Variants in AFG3L2 observed in about 807,000 individuals in gnomAD.
AFG3L2 encodes AFG3 like matrix AAA peptidase subunit 2.
AFG3L2 carries 54 observed loss-of-function variants against 94.5 expected under a neutral mutation model. That is an observed-to-expected ratio of 0.57 (90% CI 0.46 to 0.72). The LOEUF is 0.72. AFG3L2 is among the 30% of genes least tolerant of loss of function. The pLI is 0.00. For missense variants in AFG3L2, 754 were observed against 994.9 expected (o/e 0.76, Z 3.26); for synonymous variants, 377 against 365.5 (o/e 1.03, Z -0.36).
chr18:12,338,366 A>G (rs1442775703), intron 15 of AFG3L2, among the ~76,000 whole-genome samples: 1 of 152,220 alleles, frequency 6.6e-6, no homozygotes, highest in Non-Finnish European at 1.5e-5. Context: ...CGCTGAGAAC[A>G]TGTGAGACCA....
chr18:12,351,474 C>G (rs1004231616), intron 10 of AFG3L2, 61 bp from the exon 11 acceptor site: 1 of 1,402,604 alleles, frequency 7.1e-7, no homozygotes, highest in African/African-American at 1.4e-5. Context: ...CAACAGTGCA[C>G]CATCAGGAAC....
chr18:12,362,862 T>C (rs1221547997), intron 6 of AFG3L2, among the ~76,000 whole-genome samples: 1 of 152,184 alleles, frequency 6.6e-6, no homozygotes, highest in East Asian at 1.9e-4. Flanking sequence ...GATGGGTGTG[T>C]GTGTGCTTCC....
chr18:12,358,311 A>T (rs142648281), intron 8 of AFG3L2, among the ~76,000 whole-genome samples: 5 of 152,314 alleles, frequency 3.3e-5, no homozygotes, highest in African/African-American at 1.2e-4. Flanking sequence ...GTCCACATAC[A>T]TCCCTCGAAG....
intron 16 of AFG3L2, among the ~76,000 whole-genome samples, chr18:12,332,952 T>TAAC (rs1555670080): frequency 0.022 from 407 of 18,400 alleles, 10 homozygotes; most frequent in South Asian, 0.078. Context: ...TATAATATAT[T>TAAC]ATATACTATA....
chr18:12,362,643 C>T (rs947571055), intron 6 of AFG3L2, among the ~76,000 whole-genome samples: 3 of 146,756 alleles, frequency 2.0e-5, no homozygotes, highest in African/African-American at 8.3e-5. Flanking sequence ...CAAAATCACC[C>T]GTAGGGACGG....
chr18:12,337,499 T>C lies in AFG3L2; in HGVS notation c.2017A>G (p.Ile673Val). Reference sequence around the variant, plus strand: ...CCCTGACGTGGGAGGTCAAAGGAGATTTGCCCAACCTTTTCATTCATGCCA... The same window carrying C: ...CCCTGACGTGGGAGGTCAAAGGAGACTTGCCCAACCTTTTCATTCATGCCA... ...QFGMNEKVGQ[I>V]SFDLPRQGDM... is the part of the protein sequence containing the mutation. Residue 673 changes from isoleucine (I) to valine (V), a missense_variant, in exon 16 of 17, where the codon ATC becomes GTC. Ile to Val is a conservative substitution (Grantham distance 29, BLOSUM62 3). This residue lies in a region of AFG3L2 where 279 missense variants were observed against 378.6 expected (regional missense o/e 0.74). Transcript: ENST00000269143. The C allele has an allele frequency of 6.2e-7, 1 of 1,614,218 alleles. No individual in the cohort carries two copies. The highest frequency in any genetic ancestry group is 1.1e-5 in the South Asian group (1 of 91,088).
intron 1 of AFG3L2, 116 bp downstream of exon 1, chr18:12,376,853 G>C: frequency 1.3e-6 from 1 of 786,018 alleles, no homozygotes; most frequent in Non-Finnish European, 1.8e-6. Flanking sequence ...GCCCTCGGCA[G>C]GGACGGCCCG....
intron 16 of AFG3L2, among the ~76,000 whole-genome samples, chr18:12,331,381 T>A (rs764030088): frequency 6.6e-6 from 1 of 152,244 alleles, no homozygotes; most frequent in Non-Finnish European, 1.5e-5. Context: ...AAAAGCTTGC[T>A]GCTCATGCTG....
chr18:12,367,238 T>G (rs1435755460), intron 4 of AFG3L2, 38 bp downstream of exon 4: 3 of 1,613,540 alleles, frequency 1.9e-6, no homozygotes, highest in Non-Finnish European at 2.5e-6. Flanking sequence ...TGGGCCACCA[T>G]CATAACCTCA....
chr18:12,361,120 C>T (rs1908646593), intron 6 of AFG3L2, among the ~76,000 whole-genome samples: 1 of 152,180 alleles, frequency 6.6e-6, no homozygotes, highest in Non-Finnish European at 1.5e-5. Context: ...CCAGTAATCC[C>T]AGCACTTTGG....
rs1191956934 is a variant in AFG3L2 at position 12,328,995 on chromosome 18, A to T, written c.*570T>A. ...ATTTTATTTTTTATGTAAAGAAGCC[A>T]TATTTACATAATACATTCATATTTT... On this transcript the variant is annotated 3_prime_UTR_variant, in exon 17 of 17. Coordinates refer to ENST00000269143, the MANE Select transcript of AFG3L2 (RefSeq NM_006796.3). 1 of 594,020 alleles carries T rather than the reference A, an allele frequency of 1.7e-6. No individual in the cohort carries two copies. Among genetic ancestry groups the T allele is most frequent in the Non-Finnish European group, 3.0e-6 (1 of 334,236 alleles). The allele number at this position is 594,020 out of a possible 1,614,324, so 36.8% of individuals were successfully genotyped here. A position where few individuals can be genotyped will look rare whatever the true frequency, so the allele number is the denominator to read the frequency against.
chr18:12,352,059 C>T (rs150465163), intron 10 of AFG3L2, among the ~76,000 whole-genome samples: 285 of 152,266 alleles, frequency 1.9e-3, no homozygotes, highest in African/African-American at 5.5e-3. Flanking sequence ...GTGTCTGACA[C>T]CCTGGGCCAC....
chr18:12,349,354 TC>T (rs1197999457), intron 12 of AFG3L2, among the ~76,000 whole-genome samples: 1 of 152,190 alleles, frequency 6.6e-6, no homozygotes, highest in African/African-American at 2.4e-5. Flanking sequence ...ACCTGGCAGT[TC>T]CTCAAAAAGT....
intron 13 of AFG3L2, among the ~76,000 whole-genome samples, chr18:12,346,789 A>G (rs1159073427): frequency 6.6e-6 from 1 of 150,652 alleles, no homozygotes; most frequent in Non-Finnish European, 1.5e-5. Flanking sequence ...CTGTAATCCC[A>G]GCTGTTTGGG....
chr18:12,375,017 C>T (rs1442725049), intron 1 of AFG3L2, among the ~76,000 whole-genome samples: 2 of 149,550 alleles, frequency 1.3e-5, no homozygotes, highest in Non-Finnish European at 3.0e-5. Flanking sequence ...AATCACACCA[C>T]TGCACTCCAG....
At chr18:12,346,312 G>C (rs945472008) in intron 13 of AFG3L2, among the ~76,000 whole-genome samples, 2 of 151,978 alleles carry the variant, frequency 1.3e-5, no homozygotes, top group African/African-American at 4.8e-5. Flanking sequence ...GTCCCCAACC[G>C]CCCATCTCAC....
intron 6 of AFG3L2, among the ~76,000 whole-genome samples, chr18:12,360,614 C>A (rs953493655): frequency 2.0e-5 from 3 of 152,202 alleles, no homozygotes; most frequent in Non-Finnish European, 4.4e-5. Context: ...CCTTGCTGTG[C>A]CAGGCACTCC....
intron 3 of AFG3L2, among the ~76,000 whole-genome samples, chr18:12,368,061 G>GGAGGCT (rs1908863031): frequency 6.6e-6 from 1 of 152,108 alleles, no homozygotes; most frequent in Non-Finnish European, 1.5e-5. Flanking sequence ...CAGCTACTAG[G>GGAGGCT]GAGGCTGAGG....
chr18:12,330,070 C>T (rs921385956), intron 16 of AFG3L2, among the ~76,000 whole-genome samples: 1 of 152,228 alleles, frequency 6.6e-6, no homozygotes, highest in Non-Finnish European at 1.5e-5. Flanking sequence ...CGCGGTAGCT[C>T]GCGCCTGTAA....
Sources: allele counts gnomAD v4.1 joint callset (sites outside exome capture counted in the v4.1 genomes callset), GRCh38; gene constraint gnomAD v4.1.1; regional missense constraint gnomAD v4.1.1; transcripts MANE v1.5; gene names NCBI Gene and HGNC (gene_info 2026-07-23, HGNC 2026-07-21).